The following SENP6 variants were observed in gnomAD, a reference collection of about 807,000 sequenced individuals.
SENP6 encodes SUMO specific peptidase 6.
Under a neutral mutation model 134.5 loss-of-function variants are expected in SENP6, and 41 were observed. That is an observed-to-expected ratio of 0.30 (90% CI 0.24 to 0.40). The LOEUF (loss-of-function observed/expected upper bound fraction) is 0.40. Ranked by LOEUF, SENP6 falls within the 10% of genes least tolerant of loss-of-function variation. SENP6 has a pLI of 1.00. For missense variants in SENP6, 1,248 were observed against 1,312.5 expected (o/e 0.95, Z 0.76); for synonymous variants, 395 against 429.8 (o/e 0.92, Z 1.00).
chr6:75,675,484 T>C lies in SENP6; in HGVS notation c.1426+16T>C. ...CAGCTAGACGGTAAGCTATTTTATGTCTTTTTACTTACCAAAGCTTTCTTT... is the reference window on the plus strand; with the variant it reads ...CAGCTAGACGGTAAGCTATTTTATGCCTTTTTACTTACCAAAGCTTTCTTT... On this transcript the variant is annotated intron_variant, in intron 12 of 23. Coordinates refer to ENST00000447266, the MANE Select transcript of SENP6 (RefSeq NM_015571.4). 1 of 1,411,466 alleles carries C rather than the reference T, an allele frequency of 7.1e-7. No homozygotes were observed. The highest frequency in any genetic ancestry group is 9.7e-7 in the Non-Finnish European group (1 of 1,026,504). 87.4% of individuals were successfully genotyped at this position (1,411,466 alleles called of 1,614,324 possible).
intron 8 of SENP6, among the ~76,000 whole-genome samples, chr6:75,661,775 A>C (rs1340352585): frequency 6.6e-6 from 1 of 152,182 alleles, no homozygotes; most frequent in Non-Finnish European, 1.5e-5. Flanking sequence ...TGGGCCGGGC[A>C]CAGTGGCTCA....
intron 1 of SENP6, among the ~76,000 whole-genome samples, chr6:75,621,150 C>T (rs1208217411): frequency 6.6e-6 from 1 of 152,136 alleles, no homozygotes; most frequent in Non-Finnish European, 1.5e-5. Flanking sequence ...GAGAGTCTAG[C>T]AGTCTGGATA....
chr6:75,631,878 C>G (rs1413613422), intron 3 of SENP6, among the ~76,000 whole-genome samples: 1 of 152,206 alleles, frequency 6.6e-6, no homozygotes. Context: ...CAGTGAATGA[C>G]TGAGACCCCA....
intron 16 of SENP6, among the ~76,000 whole-genome samples, chr6:75,692,475 AAATT>A (rs1432813806): frequency 1.3e-5 from 2 of 151,732 alleles, no homozygotes; most frequent in Non-Finnish European, 2.9e-5. Context: ...TACAAAAAAA[AAATT>A]AGTTGGGCAT....
At chr6:75,614,812 T>C (rs1767728287) in intron 1 of SENP6, among the ~76,000 whole-genome samples, 1 of 152,306 alleles carries the variant, frequency 6.6e-6, no homozygotes, top group Admixed American at 6.5e-5. Flanking sequence ...AAATTAGATG[T>C]TTGCTGAAGG....
At chr6:75,715,235 A>G (rs1775964342) in intron 23 of SENP6, 150 bp from the exon 24 acceptor site, 2 of 629,926 alleles carry the variant, frequency 3.2e-6, no homozygotes, top group African/African-American at 3.7e-5. Context: ...TCCAATACCT[A>G]ACACAGTACT....
chr6:75,659,476 T>C lies in SENP6; in HGVS notation c.696+69T>C, dbSNP rs144988901. Reference sequence around the variant, plus strand: ...TGATTAATATTAGTTTCAGTACTTATTAAATTCTAGGTGATCTTTTATCAT... The same window carrying C: ...TGATTAATATTAGTTTCAGTACTTACTAAATTCTAGGTGATCTTTTATCAT... On this transcript the variant is annotated intron_variant, in intron 8 of 23. Coordinates refer to ENST00000447266, the MANE Select transcript of SENP6 (RefSeq NM_015571.4). 1,846 of 1,392,068 alleles carry C rather than the reference T, an allele frequency of 1.3e-3. 53 individuals carry two copies. In the East Asian group the frequency reaches 0.041, roughly 31 times the overall value. The allele number at this position is 1,392,068 out of a possible 1,614,324, so 86.2% of individuals were successfully genotyped here.
chr6:75,678,804 G>A lies in SENP6; in HGVS notation c.1959-7G>A, dbSNP rs899117279. 6.5e-7 allele frequency: 1 copy of A among 1,543,982 alleles called. No individual in the cohort carries two copies. On this transcript the variant is annotated splice_region_variant and splice_polypyrimidine_tract_variant and intron_variant, in intron 15 of 23. Coordinates refer to ENST00000447266, the MANE Select transcript of SENP6 (RefSeq NM_015571.4). ...GTTTATTTGCTTGCCTTCTAATTTT[G>A]TTACAGGTTGATAGTATATCCACCA...
intron 2 of SENP6, 85 bp from the exon 3 acceptor site, chr6:75,623,815 G>A: frequency 8.3e-7 from 1 of 1,197,948 alleles, no homozygotes; most frequent in Non-Finnish European, 1.2e-6. Context: ...CCCTGAATTA[G>A]GTGAACATAG....
At chr6:75,693,912 A>G (rs1006836239) in intron 16 of SENP6, among the ~76,000 whole-genome samples, 3 of 152,198 alleles carry the variant, frequency 2.0e-5, no homozygotes, top group Non-Finnish European at 4.4e-5. Flanking sequence ...ATAAACGACT[A>G]TTGTTACTTG....
In SENP6 at chr6:75,676,010, A is replaced by T; in HGVS notation, c.1577A>T (p.Glu526Val). Residue 526 changes from glutamate (E) to valine (V), a missense_variant, in exon 13 of 24, where the codon GAG (glutamate) becomes GTG (valine). Physicochemically the swap from Glu to Val is moderately radical, Grantham distance 121 (BLOSUM62 -2). This residue lies in a region of SENP6 where 733 missense variants were observed against 725.4 expected (regional missense o/e 1.01). Coordinates refer to ENST00000447266, the MANE Select transcript of SENP6 (RefSeq NM_015571.4). ...AGCATCCAACTGCAAATGAATAAGG[A>T]GGATAAAGTTTGGAATGATTGTAAA... ...KLSIQLQMNKEDKVWNDCKGV... is the reference protein window; with the variant it reads ...KLSIQLQMNKVDKVWNDCKGV... 6.2e-6 allele frequency: 10 copies of T among 1,610,280 alleles called. No homozygotes were observed. The highest frequency in any genetic ancestry group is 8.5e-6 in the Non-Finnish European group (10 of 1,178,664).
chr6:75,671,005 G>T (rs541218650), intron 11 of SENP6, among the ~76,000 whole-genome samples: 41 of 152,126 alleles, frequency 2.7e-4, no homozygotes, highest in African/African-American at 8.7e-4. Context: ...TATCATCCCA[G>T]CTAAGTGCAT....
At chr6:75,621,450 A>G in intron 1 of SENP6, 82 bp from the exon 2 acceptor site, 1 of 839,334 alleles carries the variant, frequency 1.2e-6, no homozygotes. Context: ...AGAATAATCA[A>G]AGAGCTTGGG....
intron 6 of SENP6, chr6:75,646,601 C>G (rs1770461852): frequency 6.6e-6 from 1 of 152,276 alleles, no homozygotes; most frequent in Admixed American, 6.5e-5. Flanking sequence ...CTTTGGGAGG[C>G]TGAGACAGGC....
intron 9 of SENP6, among the ~76,000 whole-genome samples, chr6:75,664,464 C>T (rs897705985): frequency 3.3e-5 from 5 of 151,862 alleles, no homozygotes; most frequent in African/African-American, 1.2e-4. Flanking sequence ...ACCATTTGTT[C>T]TTGCAACGAT....
chr6:75,696,487 C>CT (rs1306825590), intron 17 of SENP6, among the ~76,000 whole-genome samples: 3 of 151,930 alleles, frequency 2.0e-5, no homozygotes, highest in Non-Finnish European at 4.4e-5. Flanking sequence ...GATTTGTTTT[C>CT]TTTTTTTCAA....
chr6:75,714,631 A>G (rs1775934959), intron 23 of SENP6, among the ~76,000 whole-genome samples: 1 of 152,166 alleles, frequency 6.6e-6, no homozygotes, highest in South Asian at 2.1e-4. Flanking sequence ...AATCTTTCAC[A>G]TGATTGATAA....
intron 7 of SENP6, among the ~76,000 whole-genome samples, chr6:75,649,706 G>T (rs112479884): frequency 6.6e-6 from 1 of 152,144 alleles, no homozygotes; most frequent in African/African-American, 2.4e-5. Flanking sequence ...TAATAGAGAC[G>T]AAGTTTCACC....
intron 3 of SENP6, among the ~76,000 whole-genome samples, chr6:75,628,829 A>C (rs672731): frequency 0.97 from 147,153 of 152,276 alleles, 71,304 homozygotes; most frequent in East Asian, 1. Flanking sequence ...AAGCGATCCT[A>C]CCGCCTCAGC....
Sources: allele counts gnomAD v4.1 joint callset (sites outside exome capture counted in the v4.1 genomes callset), GRCh38; gene constraint gnomAD v4.1.1; regional missense constraint gnomAD v4.1.1; transcripts MANE v1.5; gene names NCBI Gene and HGNC (gene_info 2026-07-23, HGNC 2026-07-21).